EXOC2: variants seen among roughly 807,000 people sequenced by gnomAD.
The protein encoded by EXOC2 is exocyst complex component 2, also known as SEC5-like 1.
In EXOC2, 70 loss-of-function variants were observed where a neutral mutation model predicts 131.8. The observed-to-expected ratio is 0.53, with a 90% CI of 0.44 to 0.65. The LOEUF is 0.65. EXOC2 is among the 30% of genes least tolerant of loss of function. EXOC2 has a pLI of 0.00. For missense variants in EXOC2, 923 were observed against 1,108.6 expected (o/e 0.83, Z 2.38); for synonymous variants, 411 against 398.4 (o/e 1.03, Z -0.38).
chr6:504,896 T>C (rs1764440046), intron 23 of EXOC2, among the ~76,000 whole-genome samples: 1 of 152,156 alleles, frequency 6.6e-6, no homozygotes. Context: ...ATCTTGCCAA[T>C]TCTAAAGTAG....
At chr6:656,980 G>A in intron 1 of EXOC2, 1 of 1,475,960 alleles carries the variant, frequency 6.8e-7, no homozygotes, top group Non-Finnish European at 9.1e-7. Flanking sequence ...GCCTCTGAGG[G>A]GGATTCCGCG....
rs76133082 is a variant in EXOC2, at chr6:586,834, C to T, written c.1192+5635G>A. ...GATACGGAGGACGTGTCTGGACACC[C>T]ACTAGTCCCACCCCTACTCAGGATA... On this transcript the variant is annotated intron_variant, in intron 11 of 27. Coordinates refer to ENST00000230449, the MANE Select transcript of EXOC2 (RefSeq NM_018303.6). Among the ~76,000 whole-genome samples the T allele has an allele frequency of 2.2e-3, 342 of 152,226 alleles. 2 individuals are homozygous for T. The highest frequency in any genetic ancestry group is 7.9e-3 in the African/African-American group (330 of 41,512).
intron 1 of EXOC2, among the ~76,000 whole-genome samples, chr6:689,407 A>G (rs1764812804): frequency 6.6e-6 from 1 of 152,222 alleles, no homozygotes; most frequent in African/African-American, 2.4e-5. Flanking sequence ...ATCAGTTCCA[A>G]ACTCTTCTGC....
intron 6 of EXOC2, among the ~76,000 whole-genome samples, chr6:614,303 C>T (rs1463855294): frequency 1.3e-5 from 2 of 152,164 alleles, no homozygotes; most frequent in East Asian, 1.9e-4. Context: ...GTGACGGGGC[C>T]GTACTACAGA....
chr6:648,521 T>A (rs886087988), intron 1 of EXOC2, among the ~76,000 whole-genome samples: 5 of 152,160 alleles, frequency 3.3e-5, no homozygotes, highest in African/African-American at 1.2e-4. Flanking sequence ...AAATGTGTCA[T>A]AAGCTCTTTC....
intron 7 of EXOC2, among the ~76,000 whole-genome samples, chr6:606,658 A>AT (rs1760433332): frequency 6.6e-6 from 1 of 152,198 alleles, no homozygotes; most frequent in Admixed American, 6.5e-5. Flanking sequence ...CCACATCATG[A>AT]AACATCTCTG....
intron 1 of EXOC2, among the ~76,000 whole-genome samples, chr6:663,723 G>A (rs1456771161): frequency 6.6e-6 from 1 of 152,116 alleles, no homozygotes; most frequent in East Asian, 1.9e-4. Flanking sequence ...AAAAGCATTT[G>A]ACAAAATCCA....
At chr6:606,244 C>T (rs1444379705) in intron 7 of EXOC2, among the ~76,000 whole-genome samples, 1 of 152,050 alleles carries the variant, frequency 6.6e-6, no homozygotes, top group Non-Finnish European at 1.5e-5. Context: ...AGGAAGGGGA[C>T]CATCACACAC....
intron 1 of EXOC2, among the ~76,000 whole-genome samples, chr6:687,532 C>T (rs1359326662): frequency 6.6e-6 from 1 of 152,036 alleles, no homozygotes; most frequent in African/African-American, 2.4e-5. Flanking sequence ...AGATGATTTG[C>T]GATACAATGA....
At position 496,713 on chromosome 6, in the gene EXOC2, T is replaced by TA. The variant is rs908035596; in HGVS notation, c.2559+653dup. Among the ~76,000 whole-genome samples the TA allele has an allele frequency of 7.4e-3, 1,127 of 151,626 alleles. 9 individuals carry two copies. The highest frequency in any genetic ancestry group is 0.026 in the African/African-American group (1,070 of 41,374). On this transcript the variant is annotated intron_variant, in intron 25 of 27. Coordinates refer to ENST00000230449, the MANE Select transcript of EXOC2 (RefSeq NM_018303.6). ...GTGTCTTCAGGGATTTTTTCAAAATTAAAAAAAAAATTTTATTTTTTGATA... is the reference window on the plus strand; with the variant it reads ...GTGTCTTCAGGGATTTTTTCAAAATTAAAAAAAAAAATTTTATTTTTTGATA...
chr6:664,935 G>C (rs1421207717), intron 1 of EXOC2, among the ~76,000 whole-genome samples: 1 of 152,058 alleles, frequency 6.6e-6, no homozygotes. Context: ...AAGATAAATA[G>C]CTGGGACCTA....
intron 1 of EXOC2, among the ~76,000 whole-genome samples, chr6:688,632 A>C (rs1764774143): frequency 1.3e-5 from 2 of 152,194 alleles, no homozygotes; most frequent in African/African-American, 2.4e-5. Context: ...TCCAGCCCCC[A>C]GCACTACTTC....
At chr6:529,120 C>CCG (rs1554122789) in intron 23 of EXOC2, among the ~76,000 whole-genome samples, 1 of 148,552 alleles carries the variant, frequency 6.7e-6, no homozygotes, top group Non-Finnish European at 1.5e-5. Flanking sequence ...CCTTTTACCC[C>CCG]CCCCCGCGCC....
rs542151210 is a variant in EXOC2 at position 632,389 on chromosome 6, A to G, written c.295+552T>C. On this transcript the variant is annotated intron_variant, in intron 3 of 27. Transcript: ENST00000230449. ...TAACGTAAGGCAGCAAGTTCCTAAC[A>G]CTGCTAACGGAAGGCAGCAAGTGGT... is the stretch of plus-strand genomic sequence containing the variant. Among the ~76,000 whole-genome samples, 12 of 152,308 alleles carry G rather than the reference A, an allele frequency of 7.9e-5. No individual in the cohort carries two copies. In the South Asian group the frequency reaches 2.1e-3, roughly 26 times the overall value.
chr6:527,744 T>A (rs999669874), intron 23 of EXOC2, among the ~76,000 whole-genome samples: 1 of 152,248 alleles, frequency 6.6e-6, no homozygotes, highest in African/African-American at 2.4e-5. Flanking sequence ...CTATAATTAG[T>A]ATAAGCACAT....
Position 543,162 on chromosome 6 carries a change from T to C in EXOC2, c.2238+6013A>G, listed in dbSNP as rs374241893. On this transcript the variant is annotated intron_variant, in intron 22 of 27. Transcript: ENST00000230449. Reference sequence around the variant, plus strand: ...AAGGATTTGGAAGATGGTTCAGGGGTTGAGTTGAGAAGAAAGACTTGGCAA... The same window carrying C: ...AAGGATTTGGAAGATGGTTCAGGGGCTGAGTTGAGAAGAAAGACTTGGCAA... 7.8e-4 allele frequency among the ~76,000 whole-genome samples: 118 copies of C among 152,000 alleles called. 4 individuals carry two copies. In the South Asian group the frequency reaches 0.024, roughly 32 times the overall value.
chr6:538,109 AC>A (rs1218524985), intron 22 of EXOC2, among the ~76,000 whole-genome samples: 1 of 152,238 alleles, frequency 6.6e-6, no homozygotes, highest in Non-Finnish European at 1.5e-5. Flanking sequence ...AGATGTGCAA[AC>A]AGTTAATAGG....
chr6:494,017 G>C (rs1355157574), intron 25 of EXOC2, among the ~76,000 whole-genome samples: 1 of 152,168 alleles, frequency 6.6e-6, no homozygotes, highest in Non-Finnish European at 1.5e-5. Flanking sequence ...GCCCACAGTA[G>C]CGACTGCGAC....
intron 22 of EXOC2, among the ~76,000 whole-genome samples, chr6:542,713 A>G (rs1280095846): frequency 6.6e-6 from 1 of 152,258 alleles, no homozygotes; most frequent in Non-Finnish European, 1.5e-5. Flanking sequence ...CCTACAACAG[A>G]GCACCGTAGT....
Sources: gnomAD v4.1 joint callset for allele counts (sites outside exome capture counted in the v4.1 genomes callset) on GRCh38, gnomAD v4.1.1 for gene constraint, MANE v1.5 for transcripts, NCBI Gene and HGNC (gene_info 2026-07-23, HGNC 2026-07-21) for gene names.